Variants in LRRC4C observed in about 807,000 individuals in gnomAD.
The protein encoded by LRRC4C is leucine rich repeat containing 4C, also known as leucine-rich repeat-containing protein 4C.
Under a neutral mutation model 33.6 loss-of-function variants are expected in LRRC4C, and 5 were observed. The observed-to-expected ratio is 0.15, with a 90% CI of 0.08 to 0.31. LRRC4C has a LOEUF of 0.31. LRRC4C is among the 10% of genes least tolerant of loss of function. The pLI, the probability that LRRC4C is intolerant of heterozygous loss-of-function variation, is 1.00. For synonymous variants in LRRC4C, 329 were observed against 302.0 expected (o/e 1.09, Z -0.93); for missense variants, 560 against 796.7 (o/e 0.70, Z 3.58).
intron 1 of LRRC4C, among the ~76,000 whole-genome samples, chr11:41,270,736 A>G (rs898768395): frequency 6.6e-6 from 1 of 152,128 alleles, no homozygotes; most frequent in Admixed American, 6.6e-5. Flanking sequence ...CTTGGTTGCT[A>G]TATCAGTTTC....
intron 3 of LRRC4C, among the ~76,000 whole-genome samples, chr11:40,628,889 A>G (rs953311330): frequency 2.0e-5 from 3 of 152,170 alleles, no homozygotes; most frequent in Non-Finnish European, 4.4e-5. Flanking sequence ...TACATTGATT[A>G]ATTTTCTTAT....
chr11:41,125,853 C>T (rs1225905088), intron 1 of LRRC4C, among the ~76,000 whole-genome samples: 2 of 152,066 alleles, frequency 1.3e-5, no homozygotes, highest in Non-Finnish European at 1.5e-5. Context: ...CCATTACATA[C>T]AGTAACTTGA....
At position 40,369,983 on chromosome 11, in the gene LRRC4C, AT is replaced by A. The variant is rs200842667; in HGVS notation, c.-269-50263del. On this transcript the variant is annotated intron_variant, in intron 3 of 6. Transcript: ENST00000528697. ...TGAATATATCGATCAGGTTATTTCCATTTTTTTTGGTAGAGAGAAGAAGAAA... is the reference window on the plus strand; with the variant it reads ...TGAATATATCGATCAGGTTATTTCCATTTTTTTGGTAGAGAGAAGAAGAAA... Among the ~76,000 whole-genome samples the A allele has an allele frequency of 7.9e-3, 1,206 of 152,088 alleles. 17 individuals are homozygous for A. The highest frequency in any genetic ancestry group is 0.027 in the African/African-American group (1,120 of 41,514).
Position 40,458,175 on chromosome 11 carries a change from G to A in LRRC4C, c.-269-138454C>T, listed in dbSNP as rs1230244314. ...CATACGGAGAAGATGTTGAATTTGGGTCTCTGATGACAATAGAATCCTTGT... is the reference window on the plus strand; with the variant it reads ...CATACGGAGAAGATGTTGAATTTGGATCTCTGATGACAATAGAATCCTTGT... On this transcript the variant is annotated intron_variant, in intron 3 of 6. Transcript: ENST00000528697. Among the ~76,000 whole-genome samples, 5 of 152,216 alleles carry A rather than the reference G, an allele frequency of 3.3e-5. No individual in the cohort carries two copies. The East Asian group carries it at 5.8e-4, about 18-fold the overall frequency.
At chr11:40,717,261 A>G (rs1213413217) in intron 2 of LRRC4C, among the ~76,000 whole-genome samples, 3 of 146,818 alleles carry the variant, frequency 2.0e-5, no homozygotes, top group South Asian at 4.2e-4. Flanking sequence ...AAGTTTTTTC[A>G]AATGTATGTG....
At chr11:40,138,106 T>C (rs1366026038) in intron 6 of LRRC4C, among the ~76,000 whole-genome samples, 1 of 152,214 alleles carries the variant, frequency 6.6e-6, no homozygotes, top group Non-Finnish European at 1.5e-5. Context: ...CCACCTCCTT[T>C]TAGCCACTGT....
intron 2 of LRRC4C, among the ~76,000 whole-genome samples, chr11:40,766,384 A>T: frequency 6.9e-6 from 1 of 145,572 alleles, no homozygotes; most frequent in Non-Finnish European, 1.5e-5. Context: ...AAAAAAGAAG[A>T]TAACACGCAA....
chr11:40,991,649 C>A (rs1853570672), intron 1 of LRRC4C, among the ~76,000 whole-genome samples: 1 of 152,156 alleles, frequency 6.6e-6, no homozygotes, highest in Non-Finnish European at 1.5e-5. Flanking sequence ...ACAGTCCCAT[C>A]TGGGGGTGAT....
intron 3 of LRRC4C, among the ~76,000 whole-genome samples, chr11:40,385,773 A>C (rs1174927382): frequency 6.6e-6 from 1 of 151,930 alleles, no homozygotes; most frequent in Non-Finnish European, 1.5e-5. Flanking sequence ...AGGCTGAGGC[A>C]GGAGAATCAC....
In LRRC4C at chr11:40,696,281, CAT is replaced by C. The variant is rs753906826; in HGVS notation, c.-406-48005_-406-48004del. Among the ~76,000 whole-genome samples, 58 of 92,712 alleles carry C rather than the reference CAT, an allele frequency of 6.3e-4. 1 individual carries two copies. Among genetic ancestry groups the C allele is most frequent in the East Asian group, 4.6e-3 (17 of 3,678 alleles). The allele number at this position is 92,712 out of a possible 152,430, so 60.8% of individuals were successfully genotyped here. On this transcript the variant is annotated intron_variant, in intron 2 of 6. Transcript: ENST00000528697. ...TATTATCTTCCCTACCACAATGCCA[CAT>C]ATATATATATATATATGGTATATAT...
At chr11:41,230,178 T>A (rs924462657) in intron 1 of LRRC4C, among the ~76,000 whole-genome samples, 1 of 152,234 alleles carries the variant, frequency 6.6e-6, no homozygotes, top group African/African-American at 2.4e-5. Flanking sequence ...TTCCAATGTT[T>A]CAAGTAACTC....
At chr11:40,958,642 A>G (rs1305915648) in intron 1 of LRRC4C, among the ~76,000 whole-genome samples, 2 of 151,808 alleles carry the variant, frequency 1.3e-5, no homozygotes, top group African/African-American at 4.8e-5. Flanking sequence ...CTATGATTCA[A>G]CAAATAAATA....
At chr11:40,632,115 T>C (rs999489019) in intron 3 of LRRC4C, among the ~76,000 whole-genome samples, 1 of 152,204 alleles carries the variant, frequency 6.6e-6, no homozygotes, top group Non-Finnish European at 1.5e-5. Context: ...TGAATTACTT[T>C]CCTGTTCCTA....
intron 1 of LRRC4C, among the ~76,000 whole-genome samples, chr11:41,156,181 A>G (rs1424714539): frequency 6.6e-6 from 1 of 152,104 alleles, no homozygotes; most frequent in Non-Finnish European, 1.5e-5. Context: ...TGTCTGCCCC[A>G]GTGTTGCTGT....
At chr11:41,316,818 G>A (rs369584319) in intron 1 of LRRC4C, among the ~76,000 whole-genome samples, 3 of 152,168 alleles carry the variant, frequency 2.0e-5, no homozygotes, top group East Asian at 1.9e-4. Flanking sequence ...CTTTTTCCCC[G>A]CATTCATTCA....
At chr11:40,373,116 T>A (rs1483224233) in intron 3 of LRRC4C, among the ~76,000 whole-genome samples, 1 of 152,128 alleles carries the variant, frequency 6.6e-6, no homozygotes, top group Non-Finnish European at 1.5e-5. Context: ...CTAGGTTTCC[T>A]AATTATAAAG....
Position 40,243,066 on chromosome 11 carries a change from T to C in LRRC4C, c.-175-1468A>G, listed in dbSNP as rs140691861. Among the ~76,000 whole-genome samples the C allele has an allele frequency of 9.3e-3, 1,413 of 152,338 alleles. 29 individuals are homozygous for C. The highest frequency in any genetic ancestry group is 0.089 in the South Asian group (428 of 4,828). The stretch of plus-strand genomic sequence containing the variant: ...TGTATGTGCCTTTGCAATTAATTAA[T>C]GTTGTCTCCAATATTTCTAGAAAAT... On this transcript the variant is annotated intron_variant, in intron 4 of 6. Coordinates refer to ENST00000528697, the MANE Select transcript of LRRC4C (RefSeq NM_001258419.2).
intron 1 of LRRC4C, among the ~76,000 whole-genome samples, chr11:40,957,729 A>G (rs1312695735): frequency 1.3e-5 from 2 of 151,754 alleles, no homozygotes; most frequent in Non-Finnish European, 2.9e-5. Context: ...CTAGTTGAGA[A>G]GAGTGTGTGA....
chr11:41,438,199 G>A (rs1001132610), intron 1 of LRRC4C, among the ~76,000 whole-genome samples: 1 of 151,938 alleles, frequency 6.6e-6, no homozygotes, highest in African/African-American at 2.4e-5. Context: ...CACTGTACTT[G>A]TTGCCTAGAT....
Sources: gnomAD v4.1 joint callset for allele counts (sites outside exome capture counted in the v4.1 genomes callset) on GRCh38, gnomAD v4.1.1 for gene constraint, MANE v1.5 for transcripts, NCBI Gene and HGNC (gene_info 2026-07-23, HGNC 2026-07-21) for gene names.